Variants in CDH23 observed in about 807,000 individuals in gnomAD.
CDH23 encodes the protein cadherin-23.
In CDH23, 189 loss-of-function variants were observed where a neutral mutation model predicts 317.1. That is an observed-to-expected ratio of 0.60 (90% CI 0.53 to 0.67). The LOEUF (loss-of-function observed/expected upper bound fraction) is 0.67, where lower values mean the gene tolerates loss of function less well. Among genes scored for constraint, CDH23 ranks in the 30% least tolerant of loss-of-function variants. The probability of loss-of-function intolerance (pLI) is 0.00; values close to 1 mark genes in which losing one functional copy is unlikely to be tolerated. For synonymous variants in CDH23, 1,839 were observed against 1,876.8 expected (o/e 0.98, Z 0.52); for missense variants, 4,401 against 4,592.4 (o/e 0.96, Z 1.20).
chr10:71,555,365 A>C (rs1469110080), intron 6 of CDH23, among the ~76,000 whole-genome samples: 1 of 152,112 alleles, frequency 6.6e-6, no homozygotes, highest in Non-Finnish European at 1.5e-5. Flanking sequence ...CCCTTAGCCC[A>C]CTGCTGGGAA....
At position 71,790,421 on chromosome 10, in the gene CDH23, C is replaced by G; in HGVS notation, c.6049+8C>G. 1 of 1,611,402 alleles carries G rather than the reference C, an allele frequency of 6.2e-7. No homozygotes were observed. ...ACATCAACAGCAGCACCGGTGAGGC[C>G]TCTGTGCCACCCAGCACTCCCAGCC... On this transcript the variant is annotated splice_region_variant and intron_variant, in intron 46 of 69. Coordinates refer to ENST00000224721, the MANE Select transcript of CDH23 (RefSeq NM_022124.6).
At chr10:71,694,125 C>T (rs1173590272) in intron 20 of CDH23, 22 bp from the exon 21 acceptor site, 4 of 1,599,022 alleles carry the variant, frequency 2.5e-6, no homozygotes, top group Non-Finnish European at 3.4e-6. Context: ...CCCTCTCACG[C>T]ACCCACTTCT....
In CDH23 at chr10:71,615,541, C is replaced by T. The variant is rs375292899; in HGVS notation, c.870C>T (p.Ser290=). 34 of 1,613,734 alleles carry T rather than the reference C, an allele frequency of 2.1e-5. No homozygotes were observed. The highest frequency in any genetic ancestry group is 8.3e-5 in the Admixed American group (5 of 60,002). The part of the protein sequence containing the change: ...TNSIFALDYI[S]GVLTLNGLLD... ...GCATCTTTGCCCTGGACTACATCAGCGGAGTGCTGACCTTGAATGGCCTGC... is the reference window on the plus strand; with the variant it reads ...GCATCTTTGCCCTGGACTACATCAGTGGAGTGCTGACCTTGAATGGCCTGC... The change falls in exon 10 of 70, where the codon AGC becomes AGT. Residue 290 remains serine, a synonymous_variant. Transcript: ENST00000224721.
chr10:71,527,202 C>G lies in CDH23; in HGVS notation c.429+15990C>G, dbSNP rs554620237. On this transcript the variant is annotated intron_variant, in intron 6 of 69. Transcript: ENST00000224721. ...GCTGGGCAGCTTGTTCCTGGAGAGA[C>G]AGCCTCCCGCCCCTGCACAGGGCAC... 1.1e-3 allele frequency among the ~76,000 whole-genome samples: 169 copies of G among 152,382 alleles called. 1 individual carries two copies. The highest frequency in any genetic ancestry group is 3.7e-3 in the African/African-American group (154 of 41,600).
At position 71,784,298 on chromosome 10, in the gene CDH23, A is replaced by T; in HGVS notation, c.5380A>T (p.Ile1794Phe). Residue 1794 changes from isoleucine (I) to phenylalanine (F), a missense_variant, in exon 42 of 70, where the codon ATC (isoleucine) becomes TTC (phenylalanine). Ile to Phe is a conservative substitution (Grantham distance 21, BLOSUM62 0). Coordinates refer to ENST00000224721, the MANE Select transcript of CDH23 (RefSeq NM_022124.6). The part of the protein sequence containing the change: ...MDGDPLGEFV[I>F]SPVEGVLRVR... ...CTGGTGACACCCAGGGGAGTTTGTG[A>T]TCTCTCCTGTGGAGGGGGTGCTAAG... 11 of 1,613,266 alleles carry T rather than the reference A, an allele frequency of 6.8e-6. No individual in the cohort carries two copies. Among genetic ancestry groups the T allele is most frequent in the Non-Finnish European group, 9.3e-6 (11 of 1,179,460 alleles).
At chr10:71,768,168 T>C (rs7075746) in intron 38 of CDH23, among the ~76,000 whole-genome samples, 54,197 of 151,836 alleles carry the variant, frequency 0.36, 10,231 homozygotes, top group South Asian at 0.48. Context: ...TTTGTTGCTG[T>C]TGTTGTTGTT....
At chr10:71,702,766 T>C in intron 24 of CDH23, 72 bp downstream of exon 24, 1 of 1,576,068 alleles carries the variant, frequency 6.3e-7, no homozygotes, top group Admixed American at 1.7e-5. Context: ...TAGCCCAGGC[T>C]GAAAACTTTG....
intron 41 of CDH23, among the ~76,000 whole-genome samples, chr10:71,783,606 G>A (rs992366043): frequency 6.6e-6 from 1 of 152,230 alleles, no homozygotes; most frequent in African/African-American, 2.4e-5. Flanking sequence ...CTGCAGCCCA[G>A]CCAAGAAAAG....
intron 34 of CDH23, among the ~76,000 whole-genome samples, chr10:71,735,216 G>A (rs982817029): frequency 1.3e-5 from 2 of 152,202 alleles, no homozygotes; most frequent in African/African-American, 4.8e-5. Context: ...AAGTGTGTGG[G>A]GTGGGATGCA....
At chr10:71,483,336 G>A (rs753463529) in intron 3 of CDH23, among the ~76,000 whole-genome samples, 3 of 152,198 alleles carry the variant, frequency 2.0e-5, no homozygotes, top group Non-Finnish European at 4.4e-5. Flanking sequence ...TGGGGAGCAG[G>A]CCCAGGCAGC....
chr10:71,525,094 G>C (rs768032481), intron 6 of CDH23, among the ~76,000 whole-genome samples: 9 of 147,972 alleles, frequency 6.1e-5, no homozygotes, highest in African/African-American at 7.6e-5. Context: ...TTTTAGTAGA[G>C]ACTGGGTTTC....
At chr10:71,698,270 G>A (rs1397885515) in intron 22 of CDH23, among the ~76,000 whole-genome samples, 1 of 152,072 alleles carries the variant, frequency 6.6e-6, no homozygotes, top group East Asian at 1.9e-4. Context: ...CAATTTTATA[G>A]CCATAAAATG....
intron 26 of CDH23, 118 bp from the exon 27 acceptor site, chr10:71,708,980 G>A: frequency 1.1e-6 from 1 of 914,026 alleles, no homozygotes; most frequent in Non-Finnish European, 1.7e-6. Flanking sequence ...CGAATCAGCA[G>A]CACAGCCTCC....
chr10:71,584,296 G>C (rs1380057189), intron 9 of CDH23, among the ~76,000 whole-genome samples: 1 of 152,122 alleles, frequency 6.6e-6, no homozygotes, highest in African/African-American at 2.4e-5. Flanking sequence ...ATGATGAAGA[G>C]AAGGTTGAGA....
At chr10:71,424,208 G>T (rs369829130) in intron 1 of CDH23, among the ~76,000 whole-genome samples, 2 of 152,200 alleles carry the variant, frequency 1.3e-5, no homozygotes, top group African/African-American at 2.4e-5. Flanking sequence ...ACTGGATCTC[G>T]CTCCCCGCCT....
At chr10:71,768,981 C>CT (rs1216904401) in intron 38 of CDH23, among the ~76,000 whole-genome samples, 1 of 152,214 alleles carries the variant, frequency 6.6e-6, no homozygotes, top group African/African-American at 2.4e-5. Flanking sequence ...TGCCATCTGA[C>CT]TACTCTCTAG....
intron 3 of CDH23, among the ~76,000 whole-genome samples, chr10:71,463,680 T>C (rs1387762337): frequency 6.6e-6 from 1 of 152,200 alleles, no homozygotes; most frequent in Non-Finnish European, 1.5e-5. Flanking sequence ...CAAGCATCAG[T>C]GGGTGTGAAG....
intron 9 of CDH23, among the ~76,000 whole-genome samples, chr10:71,612,938 TC>T (rs1425037959): frequency 2.0e-5 from 3 of 151,680 alleles, no homozygotes; most frequent in Admixed American, 6.6e-5. Flanking sequence ...AACCTCCGCC[TC>T]CCAGCTTCAA....
In CDH23 at chr10:71,725,497, G is replaced by C; in HGVS notation, c.3556G>C (p.Gly1186Arg). The C allele has an allele frequency of 6.2e-7, 1 of 1,613,628 alleles. No individual in the cohort carries two copies. Among genetic ancestry groups the C allele is most frequent in the Non-Finnish European group, 8.5e-7 (1 of 1,179,746 alleles). Residue 1186 changes from glycine to arginine, a missense_variant, in exon 30 of 70, where the codon GGC becomes CGC. Gly to Arg is a moderately radical substitution (Grantham distance 125). Transcript: ENST00000224721. ...AGTGGAGGCCTACAACCACGACCTG[G>C]GCCCCATGCGGAGCTCCGTCAGGGT... ...LIVEAYNHDL[G>R]PMRSSVRVIV...
Sources: allele counts gnomAD v4.1 joint callset (sites outside exome capture counted in the v4.1 genomes callset), GRCh38; gene constraint gnomAD v4.1.1; transcripts MANE v1.5; gene names NCBI Gene and HGNC (gene_info 2026-07-23, HGNC 2026-07-21).